Variants in PMS1 observed in about 807,000 individuals in gnomAD.
PMS1 encodes PMS1 homolog 1, mismatch repair system component.
In PMS1, 79 loss-of-function variants were observed where a neutral mutation model predicts 93.1. That is an observed-to-expected ratio of 0.85 (90% CI 0.71 to 1.02). PMS1 has a LOEUF of 1.02. PMS1 is among the 50% of genes least tolerant of loss of function. The probability of loss-of-function intolerance (pLI) is 0.00; values close to 1 mark genes in which losing one functional copy is unlikely to be tolerated. For synonymous variants in PMS1, 335 were observed against 363.4 expected (o/e 0.92, Z 0.89); for missense variants, 1,064 against 1,085.3 (o/e 0.98, Z 0.28).
intron 1 of PMS1, among the ~76,000 whole-genome samples, chr2:189,791,393 G>A (rs777884003): frequency 6.6e-6 from 1 of 152,134 alleles, no homozygotes; most frequent in Non-Finnish European, 1.5e-5. Flanking sequence ...GCCAAGGCAG[G>A]CGGATCAGTT....
intron 9 of PMS1, among the ~76,000 whole-genome samples, chr2:189,862,090 T>C (rs1320364079): frequency 6.6e-6 from 1 of 152,168 alleles, no homozygotes; most frequent in Non-Finnish European, 1.5e-5. Context: ...CAGTTTTCCA[T>C]TGTTTATCTG....
chr2:189,852,642 AATT>A lies in PMS1; in HGVS notation c.700-7_700-5del. 2.5e-6 allele frequency: 4 copies of A among 1,603,222 alleles called. No individual in the cohort carries two copies. The Middle Eastern group carries it at 5.0e-4, about 200-fold the overall frequency. On this transcript the variant is annotated splice_polypyrimidine_tract_variant and intron_variant, in intron 6 of 12. Coordinates refer to ENST00000441310, the MANE Select transcript of PMS1 (RefSeq NM_000534.5). Reference sequence around the variant, plus strand: ...ACATTGTTGACATTGCATATTCTGTAATTATTATATAGATTTATCTCAGTGGAT... The same window carrying A: ...ACATTGTTGACATTGCATATTCTGTAATTATATAGATTTATCTCAGTGGAT...
chr2:189,785,034 A>C (rs964370541), intron 1 of PMS1, among the ~76,000 whole-genome samples: 1 of 152,194 alleles, frequency 6.6e-6, no homozygotes, highest in Admixed American at 6.5e-5. Flanking sequence ...CCTGTATTAC[A>C]TGCTAAGGAA....
intron 5 of PMS1, among the ~76,000 whole-genome samples, chr2:189,842,995 T>C (rs1039027272): frequency 7.3e-6 from 1 of 137,076 alleles, no homozygotes; most frequent in African/African-American, 2.9e-5. Context: ...CACATATATG[T>C]GTGTGTGTAT....
intron 3 of PMS1, among the ~76,000 whole-genome samples, chr2:189,805,064 A>C (rs752974220): frequency 1.5e-4 from 23 of 152,176 alleles, no homozygotes; most frequent in Non-Finnish European, 2.9e-4. Context: ...TGCTGAATGA[A>C]ATGTCTTCTT....
At chr2:189,843,288 G>A (rs1326319770) in intron 5 of PMS1, among the ~76,000 whole-genome samples, 1 of 152,126 alleles carries the variant, frequency 6.6e-6, no homozygotes. Flanking sequence ...ACAGTGCTGG[G>A]ATTACAGGTG....
At chr2:189,837,156 A>G (rs1397595944) in intron 5 of PMS1, among the ~76,000 whole-genome samples, 1 of 150,856 alleles carries the variant, frequency 6.6e-6, no homozygotes, top group Non-Finnish European at 1.5e-5. Flanking sequence ...TTTGTGAATA[A>G]GTTTGGTGTT....
intron 6 of PMS1, among the ~76,000 whole-genome samples, chr2:189,851,754 ATCTAGT>A: frequency 6.6e-6 from 1 of 152,338 alleles, no homozygotes; most frequent in South Asian, 2.1e-4. Flanking sequence ...TTAATAACAC[ATCTAGT>A]TCTAGTTGTT....
At chr2:189,818,213 G>C (rs753457227) in intron 5 of PMS1, 33 bp downstream of exon 5, 4 of 1,366,014 alleles carry the variant, frequency 2.9e-6, no homozygotes, top group Non-Finnish European at 4.2e-6. Flanking sequence ...AAGTTTCTGG[G>C]TATATGATAT....
chr2:189,808,269 C>A (rs1002577506), intron 4 of PMS1, among the ~76,000 whole-genome samples: 2 of 152,064 alleles, frequency 1.3e-5, no homozygotes, highest in African/African-American at 4.8e-5. Flanking sequence ...GAACAACTTA[C>A]AACATAATTT....
chr2:189,842,299 T>A (rs1490690567), intron 5 of PMS1, among the ~76,000 whole-genome samples: 1 of 152,030 alleles, frequency 6.6e-6, no homozygotes, highest in Non-Finnish European at 1.5e-5. Flanking sequence ...CCACTCCTTA[T>A]AGGTTCCTTT....
At chr2:189,865,894 A>G (rs2056616042) in intron 10 of PMS1, among the ~76,000 whole-genome samples, 1 of 152,208 alleles carries the variant, frequency 6.6e-6, no homozygotes, top group Admixed American at 6.5e-5. Context: ...TAAAGCAGAA[A>G]TCATTTATAA....
Position 189,795,931 on chromosome 2 carries a change from TCAATTTGTTG to T in PMS1, c.296_305del (p.Ser99LeufsTer2), listed in dbSNP as rs766730773. On this transcript the variant is annotated frameshift_variant, in exon 3 of 13. Coordinates refer to ENST00000441310, the MANE Select transcript of PMS1 (RefSeq NM_000534.5). LOFTEE classifies it high-confidence loss of function. The stretch of plus-strand genomic sequence containing the variant: ...CGGTTTTCGTGGAGAAGCCTTGGGG[TCAATTTGTTG>T]TATAGCTGAGGTAAGGTAATTATAT... 6.2e-7 allele frequency: 1 copy of T among 1,611,390 alleles called. No homozygotes were observed. The highest frequency in any genetic ancestry group is 1.1e-5 in the South Asian group (1 of 91,026).
intron 4 of PMS1, among the ~76,000 whole-genome samples, chr2:189,815,118 A>G (rs1487336546): frequency 1.3e-5 from 2 of 151,584 alleles, no homozygotes; most frequent in East Asian, 3.9e-4. Flanking sequence ...AAAAAAAGAT[A>G]TGATACTCAA....
intron 4 of PMS1, chr2:189,806,098 G>A (rs913691387): frequency 1.4e-4 from 65 of 471,774 alleles, no homozygotes; most frequent in Non-Finnish European, 2.0e-4. Context: ...AAACATAATT[G>A]ATTTGGTAAT....
intron 5 of PMS1, among the ~76,000 whole-genome samples, chr2:189,843,012 A>T (rs148374504): frequency 0.012 from 1,764 of 146,730 alleles, 39 homozygotes; most frequent in African/African-American, 0.042. Context: ...GTATATATAT[A>T]TTTTTTTCTT....
chr2:189,864,090 C>T lies in PMS1; in HGVS notation c.2204C>T (p.Ala735Val). 1.2e-6 allele frequency: 2 copies of T among 1,613,522 alleles called. No individual in the cohort carries two copies. The highest frequency in any genetic ancestry group is 1.7e-6 in the Non-Finnish European group (2 of 1,179,636). ...CLIHNLRFPD[A>V]WLMTSKTEVM... ...ATCCACAATCTCAGGTTTCCTGATG[C>T]ATGGCTAATGACATCCAAAACAGAG... is the stretch of plus-strand genomic sequence containing the variant. The change falls in exon 10 of 13, where the codon GCA becomes GTA. Residue 735 changes from alanine (A) to valine (V), a missense_variant. By Grantham distance (64) the Ala-to-Val change is moderately conservative. Coordinates refer to ENST00000441310, the MANE Select transcript of PMS1 (RefSeq NM_000534.5).
rs866919813 is a variant in PMS1 at position 189,864,709 on chromosome 2, T to A, written c.2342+481T>A. Among the ~76,000 whole-genome samples, 62 of 51,248 alleles carry A rather than the reference T, an allele frequency of 1.2e-3. 5 individuals carry two copies. Among genetic ancestry groups the A allele is most frequent in the East Asian group, 3.7e-3 (5 of 1,354 alleles). 33.6% of individuals were successfully genotyped at this position (51,248 alleles called of 152,430 possible). On this transcript the variant is annotated intron_variant, in intron 10 of 12. Transcript: ENST00000441310. ...AAAAATATATATATATATATATATA[T>A]ATATATATATATATATATATATATA...
At chr2:189,855,958 A>T in intron 9 of PMS1, 1 of 525,474 alleles carries the variant, frequency 1.9e-6, no homozygotes, top group Non-Finnish European at 2.6e-6. Context: ...TGTGGAAAAA[A>T]TTTTAAACGT....
Sources: allele counts gnomAD v4.1 joint callset (sites outside exome capture counted in the v4.1 genomes callset), GRCh38; gene constraint gnomAD v4.1.1; transcripts MANE v1.5; gene names NCBI Gene and HGNC (gene_info 2026-07-23, HGNC 2026-07-21).